Variants in DGKI observed in about 807,000 individuals in gnomAD.
DGKI encodes the protein DAG kinase iota.
DGKI carries 55 observed loss-of-function variants against 147.5 expected under a neutral mutation model. The ratio of observed to expected loss-of-function variants is 0.37; its 90% confidence interval spans 0.30 to 0.47. DGKI has a LOEUF of 0.47. Ranked by LOEUF, DGKI falls within the 20% of genes least tolerant of loss-of-function variation. The pLI is 1.00. For missense variants in DGKI, 1,007 were observed against 1,323.8 expected (o/e 0.76, Z 3.71); for synonymous variants, 469 against 477.1 (o/e 0.98, Z 0.22).
At chr7:137,775,302 G>C (rs942085181) in intron 1 of DGKI, among the ~76,000 whole-genome samples, 1 of 152,154 alleles carries the variant, frequency 6.6e-6, no homozygotes, top group East Asian at 1.9e-4. Context: ...CAATCAAGAA[G>C]TTTTATCAAA....
In DGKI at chr7:137,609,569, C is replaced by T; in HGVS notation, c.1034G>A (p.Ser345Asn). Reference sequence around the variant, plus strand: ...TCTTTTACTGGCTTTTCTTTTAAAGCTTGTTCTCTTCTTCTTCCGATTTGA... The same window carrying T: ...TCTTTTACTGGCTTTTCTTTTAAAGTTTGTTCTCTTCTTCTTCCGATTTGA... ...KASNRKKKRT[S>N]FKRKASKRGM... Residue 345 changes from serine to asparagine, a missense_variant, in exon 9 of 33, where the codon AGC becomes AAC. Around this residue, in one of 5 missense-constraint regions of DGKI, gnomAD observed 259 missense variants for 362.5 expected, o/e 0.71. Coordinates refer to ENST00000614521, the MANE Select transcript of DGKI (RefSeq NM_001321708.2). 2 of 1,613,450 alleles carry T rather than the reference C, an allele frequency of 1.2e-6. No homozygotes were observed. Among genetic ancestry groups the T allele is most frequent in the Non-Finnish European group, 1.7e-6 (2 of 1,179,620 alleles).
chr7:137,803,505 G>T (rs1295731401), intron 1 of DGKI, among the ~76,000 whole-genome samples: 2 of 152,106 alleles, frequency 1.3e-5, no homozygotes, highest in Admixed American at 1.3e-4. Flanking sequence ...CTGTTTAGCT[G>T]TATGATATTT....
chr7:137,703,074 G>A (rs1365378455), intron 1 of DGKI, among the ~76,000 whole-genome samples: 1 of 152,106 alleles, frequency 6.6e-6, no homozygotes, highest in Non-Finnish European at 1.5e-5. Flanking sequence ...CTGAGAGTGG[G>A]TAATTTATGA....
intron 2 of DGKI, among the ~76,000 whole-genome samples, chr7:137,687,665 G>A (rs1823466014): frequency 6.6e-6 from 1 of 152,184 alleles, no homozygotes. Flanking sequence ...GTCACGGTTT[G>A]CTTTCTGTTT....
chr7:137,481,151 C>T (rs1387204091), intron 23 of DGKI, among the ~76,000 whole-genome samples: 1 of 152,132 alleles, frequency 6.6e-6, no homozygotes, highest in African/African-American at 2.4e-5. Flanking sequence ...AGATGTTTAA[C>T]AGCATCCTTG....
chr7:137,686,694 C>T (rs567842892), intron 2 of DGKI, among the ~76,000 whole-genome samples: 30 of 152,266 alleles, frequency 2.0e-4, no homozygotes, highest in Non-Finnish European at 3.1e-4. Flanking sequence ...TCTGCTATAA[C>T]AGCACCCTCC....
chr7:137,566,381 T>A (rs1024679109), intron 19 of DGKI, among the ~76,000 whole-genome samples: 5 of 152,090 alleles, frequency 3.3e-5, no homozygotes, highest in Non-Finnish European at 7.4e-5. Flanking sequence ...AAAAATACAA[T>A]GCTTTACTGC....
At chr7:137,766,925 A>G (rs1169632871) in intron 1 of DGKI, among the ~76,000 whole-genome samples, 1 of 152,212 alleles carries the variant, frequency 6.6e-6, no homozygotes, top group African/African-American at 2.4e-5. Context: ...GGCCAGCCCA[A>G]GGGAAAAGCT....
At chr7:137,718,192 C>G (rs1296301892) in intron 1 of DGKI, among the ~76,000 whole-genome samples, 1 of 152,194 alleles carries the variant, frequency 6.6e-6, no homozygotes, top group Non-Finnish European at 1.5e-5. Context: ...CTTTGTCGGA[C>G]AGCATGTGGG....
intron 1 of DGKI, chr7:137,774,467 C>T (rs1470152075): frequency 6.6e-6 from 1 of 152,116 alleles, no homozygotes; most frequent in African/African-American, 2.4e-5. Context: ...AAATGTCCAC[C>T]TTTACGTGAA....
chr7:137,804,186 T>C (rs1445701008), intron 1 of DGKI, among the ~76,000 whole-genome samples: 5 of 152,216 alleles, frequency 3.3e-5, no homozygotes, highest in African/African-American at 9.6e-5. Context: ...CAGTGTGGCA[T>C]TGACTTTGGA....
intron 1 of DGKI, among the ~76,000 whole-genome samples, chr7:137,725,636 A>G (rs538075301): frequency 7.9e-5 from 12 of 151,748 alleles, no homozygotes; most frequent in Non-Finnish European, 1.5e-4. Context: ...TTTTCTCATT[A>G]TAAAATGCAA....
At chr7:137,552,148 C>T (rs1818066757) in intron 20 of DGKI, among the ~76,000 whole-genome samples, 1 of 152,190 alleles carries the variant, frequency 6.6e-6, no homozygotes, top group African/African-American at 2.4e-5. Context: ...AATCATCTAT[C>T]TCATGTACAG....
At chr7:137,544,239 C>T (rs1377560106) in intron 20 of DGKI, among the ~76,000 whole-genome samples, 1 of 152,150 alleles carries the variant, frequency 6.6e-6, no homozygotes, top group Admixed American at 6.5e-5. Context: ...CTATCATATG[C>T]ATTTCTGCTG....
intron 21 of DGKI, among the ~76,000 whole-genome samples, chr7:137,517,592 T>A (rs886380374): frequency 6.6e-6 from 1 of 152,134 alleles, no homozygotes; most frequent in African/African-American, 2.4e-5. Context: ...AAACGCACCA[T>A]GGTAATGTAA....
chr7:137,499,037 C>T (rs1816074981), intron 21 of DGKI, among the ~76,000 whole-genome samples: 1 of 152,194 alleles, frequency 6.6e-6, no homozygotes, highest in African/African-American at 2.4e-5. Flanking sequence ...ACTAGAGACT[C>T]TTTTCAGCTT....
At chr7:137,772,316 G>A (rs1796226569) in intron 1 of DGKI, 1 of 152,126 alleles carries the variant, frequency 6.6e-6, no homozygotes, top group Non-Finnish European at 1.5e-5. Flanking sequence ...AATATTATCT[G>A]CTTTTGGTCT....
intron 21 of DGKI, among the ~76,000 whole-genome samples, chr7:137,496,678 C>T (rs1020215184): frequency 1.3e-5 from 2 of 151,818 alleles, no homozygotes; most frequent in Admixed American, 6.6e-5. Flanking sequence ...TCAACAAAGT[C>T]GATAAAAACA....
chr7:137,846,801 C>T lies in DGKI; in HGVS notation c.62G>A (p.Arg21His). Reference protein sequence around the residue: ...LPLPAARGPARAPAAAAAAAA... With the variant: ...LPLPAARGPAHAPAAAAAAAA... ...GGCGGCGGCGGCGGCTGCAGGAGCG[C>T]GGGCAGGTCCGCGCGCCGCTGGCAG... The change falls in exon 1 of 33, where the codon CGC (arginine) becomes CAC (histidine). Residue 21 changes from arginine (R) to histidine (H), a missense_variant. By Grantham distance (29) the Arg-to-His change is conservative. Around this residue, in one of 5 missense-constraint regions of DGKI, gnomAD observed 137 missense variants for 114.4 expected, o/e 1.20. Transcript: ENST00000614521. This position sits in a 1 kb window ranked among gnomAD's most constrained non-coding sequence, Gnocchi z 4.0. 1 of 1,123,952 alleles carries T rather than the reference C, an allele frequency of 8.9e-7. No individual in the cohort carries two copies. Among genetic ancestry groups the T allele is most frequent in the Non-Finnish European group, 1.1e-6 (1 of 919,294 alleles). 69.6% of individuals were successfully genotyped at this position (1,123,952 alleles called of 1,614,324 possible).
Sources: gnomAD v4.1 joint callset for allele counts (sites outside exome capture counted in the v4.1 genomes callset) on GRCh38, gnomAD v4.1.1 for gene constraint, gnomAD v4.1.1 regional missense constraint, Gnocchi (gnomAD v3.1) non-coding constraint, MANE v1.5 for transcripts, NCBI Gene and HGNC (gene_info 2026-07-23, HGNC 2026-07-21) for gene names.